The following CYP20A1 variants were observed in gnomAD, a reference collection of about 807,000 sequenced individuals.
The protein encoded by CYP20A1 is cytochrome P450 family 20 subfamily A member 1, also known as cytochrome P450 20A1.
A neutral mutation model predicts 61.4 loss-of-function variants in CYP20A1; 61 were observed. That is an observed-to-expected ratio of 0.99 (90% confidence interval 0.81 to 1.23). The LOEUF (loss-of-function observed/expected upper bound fraction) is 1.23, where lower values mean the gene tolerates loss of function less well. Among genes scored for constraint, CYP20A1 ranks in the 50% most tolerant of loss-of-function variants. CYP20A1 has a pLI of 0.00. For synonymous variants in CYP20A1, 193 were observed against 188.2 expected, an observed-to-expected ratio of 1.03 and a Z score of -0.21; for missense variants, 530 against 542.4, an observed-to-expected ratio of 0.98 and a Z score of 0.23.
chr2:203,251,123 A>C (rs1349356795), intron 3 of CYP20A1, among the ~76,000 whole-genome samples: 1 of 147,982 alleles, frequency 6.8e-6, no homozygotes, highest in African/African-American at 2.5e-5. Context: ...TAAAATGTTA[A>C]CAGTATCTCG....
chr2:203,269,245 C>T (rs2152078404), intron 5 of CYP20A1, among the ~76,000 whole-genome samples: 1 of 151,402 alleles, frequency 6.6e-6, no homozygotes, highest in African/African-American at 2.4e-5. Flanking sequence ...AGTTCAAGAC[C>T]AGCCTGGGCA....
chr2:203,291,581 T>C (rs2068534089), intron 10 of CYP20A1, among the ~76,000 whole-genome samples: 1 of 152,220 alleles, frequency 6.6e-6, no homozygotes, highest in Non-Finnish European at 1.5e-5. Flanking sequence ...TCTAGTGAGC[T>C]TATATATATT....
At position 203,239,071 on chromosome 2, in the gene CYP20A1, C is replaced by A. The variant is rs2066144394; in HGVS notation, c.9C>A (p.Asp3Glu). The change falls in exon 1 of 13, where the codon GAC becomes GAA. Residue 3 changes from aspartate to glutamate, a missense_variant. Physicochemically the swap from Asp to Glu is conservative, Grantham distance 45. Coordinates refer to ENST00000356079, the MANE Select transcript of CYP20A1 (RefSeq NM_177538.3). MLDFAIFAVTFLL... is the reference protein window; with the variant it reads MLEFAIFAVTFLL... ...CCCTGGGCGGCAGAACCATGTTGGA[C>A]TTCGCGATCTTCGCCGTTACCTTCT... 1 of 1,613,542 alleles carries A rather than the reference C, an allele frequency of 6.2e-7. No individual in the cohort carries two copies. The highest frequency in any genetic ancestry group is 8.5e-7 in the Non-Finnish European group (1 of 1,179,806).
chr2:203,279,550 T>C (rs1192234086), intron 7 of CYP20A1, among the ~76,000 whole-genome samples: 1 of 152,144 alleles, frequency 6.6e-6, no homozygotes, highest in Non-Finnish European at 1.5e-5. Context: ...CTCTTCATTG[T>C]AGGAATCTTC....
rs763764173 is a variant in CYP20A1 at position 203,301,914 on chromosome 2, CT to C, written c.*5028del. Among the ~76,000 whole-genome samples, 172 of 103,550 alleles carry C rather than the reference CT, an allele frequency of 1.7e-3. No individual in the cohort carries two copies. Among genetic ancestry groups the C allele is most frequent in the African/African-American group, 4.9e-3 (131 of 26,738 alleles). The allele number at this position is 103,550 out of a possible 152,430, so 67.9% of individuals were successfully genotyped here. A position where few individuals can be genotyped will look rare whatever the true frequency, so the allele number is the denominator to read the frequency against. On this transcript the variant is annotated 3_prime_UTR_variant, in exon 13 of 13. Coordinates refer to ENST00000356079, the MANE Select transcript of CYP20A1 (RefSeq NM_177538.3). ...TTTGAAGTTAACCACTGTTAAGATT[CT>C]TTTTTTTTTTTTTTTTTTTTTGTTT...
rs1166192481 is a variant in CYP20A1 at position 203,246,847 on chromosome 2, G to T, written c.215G>T (p.Trp72Leu). 1 of 1,614,066 alleles carries T rather than the reference G, an allele frequency of 6.2e-7. No homozygotes were observed. Among genetic ancestry groups the T allele is most frequent in the Non-Finnish European group, 8.5e-7 (1 of 1,180,040 alleles). Reference sequence around the variant, plus strand: ...AGATATGGGCCTGTGGTCTCCTTCTGGTTTGGCAGGCGCCTCGTGGTTAGT... The same window carrying T: ...AGATATGGGCCTGTGGTCTCCTTCTTGTTTGGCAGGCGCCTCGTGGTTAGT... ...HERYGPVVSF[W>L]FGRRLVVSLG... is the part of the protein sequence containing the mutation. The change falls in exon 3 of 13, where the codon TGG (tryptophan) becomes TTG (leucine). Residue 72 changes from tryptophan to leucine, a missense_variant. Transcript: ENST00000356079.
rs10179955 is a variant in CYP20A1, at chr2:203,298,532, A to G, written c.*1624A>G. ...GTGAAACCCCGTCTCTACTAAAAATACAAAAAAAAAAAAAAAAAATTAGCC... is the reference window on the plus strand; with the variant it reads ...GTGAAACCCCGTCTCTACTAAAAATGCAAAAAAAAAAAAAAAAAATTAGCC... On this transcript the variant is annotated 3_prime_UTR_variant, in exon 13 of 13. Coordinates refer to ENST00000356079, the MANE Select transcript of CYP20A1 (RefSeq NM_177538.3). 0.018 allele frequency among the ~76,000 whole-genome samples: 1,230 copies of G among 68,550 alleles called. 10 individuals carry two copies. The highest frequency in any genetic ancestry group is 0.028 in the Non-Finnish European group (918 of 32,856). The allele number at this position is 68,550 out of a possible 152,430, so 45.0% of individuals were successfully genotyped here. A position where few individuals can be genotyped will look rare whatever the true frequency, so the allele number is the denominator to read the frequency against.
chr2:203,285,827 AT>A, intron 9 of CYP20A1, 95 bp downstream of exon 9: 1 of 1,132,908 alleles, frequency 8.8e-7, no homozygotes, highest in Non-Finnish European at 1.2e-6. Flanking sequence ...AAAGCTACAT[AT>A]TTTTATAGGA....
At chr2:203,288,139 C>T (rs1228501103) in intron 9 of CYP20A1, among the ~76,000 whole-genome samples, 3 of 139,530 alleles carry the variant, frequency 2.2e-5, no homozygotes, top group Admixed American at 1.5e-4. Flanking sequence ...AATCTCAGCT[C>T]ACTGCACCCT....
chr2:203,261,745 T>C (rs1012638012), intron 4 of CYP20A1, among the ~76,000 whole-genome samples: 2 of 151,646 alleles, frequency 1.3e-5, no homozygotes, highest in Non-Finnish European at 2.9e-5. Flanking sequence ...CTGCTATGAA[T>C]GGCAGAGGGG....
At chr2:203,270,558 CATTT>C (rs1282887899) in intron 5 of CYP20A1, among the ~76,000 whole-genome samples, 1 of 151,862 alleles carries the variant, frequency 6.6e-6, no homozygotes, top group Non-Finnish European at 1.5e-5. Context: ...TTTCCTTTTA[CATTT>C]ATTTATAGTA....
rs954172144 is a variant in CYP20A1 at position 203,304,060 on chromosome 2, A to C, written c.*7152A>C. Among the ~76,000 whole-genome samples the C allele has an allele frequency of 6.6e-6, 1 of 151,870 alleles. No individual in the cohort carries two copies. Among genetic ancestry groups the C allele is most frequent in the Non-Finnish European group, 1.5e-5 (1 of 67,980 alleles). On this transcript the variant is annotated 3_prime_UTR_variant, in exon 13 of 13. Transcript: ENST00000356079. ...CATGGGGAAACCGCATCTCTACTAA[A>C]AATACAAAAATTAGTGGGTGTGGAG...
intron 7 of CYP20A1, 94 bp from the exon 8 acceptor site, chr2:203,279,965 T>C (rs1575242112): frequency 2.6e-6 from 2 of 759,384 alleles, no homozygotes; most frequent in East Asian, 2.9e-5. Context: ...TTTTTTTCAT[T>C]GACACTAATT....
intron 4 of CYP20A1, among the ~76,000 whole-genome samples, chr2:203,254,991 C>CAA (rs112141080): frequency 7.6e-6 from 1 of 131,484 alleles, no homozygotes; most frequent in African/African-American, 2.8e-5. Context: ...ACTCCGTCTC[C>CAA]AAAAAAAAAA....
chr2:203,273,782 A>T (rs1017905989), intron 6 of CYP20A1, among the ~76,000 whole-genome samples: 1 of 152,008 alleles, frequency 6.6e-6, no homozygotes, highest in Admixed American at 6.6e-5. Flanking sequence ...TACCTCTACT[A>T]AAAAAATACA....
intron 3 of CYP20A1, 42 bp downstream of exon 3, chr2:203,246,963 T>C (rs774642426): frequency 8.2e-6 from 13 of 1,591,122 alleles, no homozygotes; most frequent in Non-Finnish European, 9.4e-6. Flanking sequence ...CCTTACCTTT[T>C]AAGAATGAAT....
chr2:203,255,595 T>C (rs1397126858), intron 4 of CYP20A1, among the ~76,000 whole-genome samples: 1 of 152,106 alleles, frequency 6.6e-6, no homozygotes, highest in Non-Finnish European at 1.5e-5. Context: ...CTGGATTCCA[T>C]GAACAGACCC....
chr2:203,269,497 C>CTTT lies in CYP20A1; in HGVS notation c.600+2828_600+2830dup, dbSNP rs373653086. ...CATTTTATGATTGAAATATATAGTT[C>CTTT]TTTTTTTTTTTTTTGAGACGGAGTT... On this transcript the variant is annotated intron_variant, in intron 5 of 12. Transcript: ENST00000356079. 4.4e-3 allele frequency among the ~76,000 whole-genome samples: 616 copies of CTTT among 139,478 alleles called. 9 individuals are homozygous for CTTT. The highest frequency in any genetic ancestry group is 7.1e-3 in the Non-Finnish European group (465 of 65,042). The allele number at this position is 139,478 out of a possible 152,430, so 91.5% of individuals were successfully genotyped here.
intron 7 of CYP20A1, among the ~76,000 whole-genome samples, chr2:203,279,028 G>T (rs1049107672): frequency 1.3e-5 from 2 of 151,972 alleles, no homozygotes; most frequent in African/African-American, 4.8e-5. Context: ...GCAGTGGCAC[G>T]ATCTCTGCTC....
Sources: allele counts gnomAD v4.1 joint callset (sites outside exome capture counted in the v4.1 genomes callset), GRCh38; gene constraint gnomAD v4.1.1; transcripts MANE v1.5; gene names NCBI Gene and HGNC (gene_info 2026-07-23, HGNC 2026-07-21).